Variants in SHANK2 observed in about 807,000 individuals in gnomAD.
SHANK2 encodes the protein SH3 and multiple ankyrin repeat domains protein 2.
Under a neutral mutation model 133.7 loss-of-function variants are expected in SHANK2, and 43 were observed. The ratio of observed to expected loss-of-function variants is 0.32; its 90% CI spans 0.25 to 0.41. The LOEUF (loss-of-function observed/expected upper bound fraction) is 0.41, where lower values mean the gene tolerates loss of function less well. Among genes scored for constraint, SHANK2 ranks in the 10% least tolerant of loss-of-function variants. The pLI is 1.00. For missense variants in SHANK2, 1,994 were observed against 2,235.8 expected, an observed-to-expected ratio of 0.89 and a Z score of 2.18; for synonymous variants, 1,017 against 952.8, an observed-to-expected ratio of 1.07 and a Z score of -1.24.
At chr11:70,814,717 C>G (rs1268516659) in intron 12 of SHANK2, among the ~76,000 whole-genome samples, 1 of 152,202 alleles carries the variant, frequency 6.6e-6, no homozygotes, top group Non-Finnish European at 1.5e-5. Flanking sequence ...CAATGGACGA[C>G]GCATGGACAG....
At chr11:70,854,280 A>T (rs1388640495) in intron 11 of SHANK2, among the ~76,000 whole-genome samples, 2 of 152,230 alleles carry the variant, frequency 1.3e-5, no homozygotes, top group Non-Finnish European at 2.9e-5. Flanking sequence ...GACTGTCATG[A>T]GTAGGAAAGT....
chr11:70,682,480 C>CAAAT (rs1945050496), intron 15 of SHANK2, among the ~76,000 whole-genome samples: 1 of 152,146 alleles, frequency 6.6e-6, no homozygotes, highest in Non-Finnish European at 1.5e-5. Flanking sequence ...CTCAAACAAA[C>CAAAT]AAATAAATAA....
intron 1 of SHANK2, among the ~76,000 whole-genome samples, chr11:71,229,186 C>T (rs899895215): frequency 6.6e-6 from 1 of 152,216 alleles, no homozygotes; most frequent in African/African-American, 2.4e-5. Flanking sequence ...AAGATGCCTG[C>T]TCTCACCATT....
intron 23 of SHANK2, chr11:70,489,706 T>C: frequency 2.8e-6 from 1 of 358,386 alleles, no homozygotes; most frequent in South Asian, 3.2e-5. Flanking sequence ...TCTCAAAGGG[T>C]CAAGTGTGAC....
chr11:70,681,905 G>A (rs960568883), intron 15 of SHANK2, among the ~76,000 whole-genome samples: 7 of 152,128 alleles, frequency 4.6e-5, no homozygotes, highest in South Asian at 2.1e-4. Context: ...GTGGAGGGGC[G>A]GACATCACCG....
At chr11:70,919,241 C>T (rs1445673376) in intron 10 of SHANK2, among the ~76,000 whole-genome samples, 2 of 152,186 alleles carry the variant, frequency 1.3e-5, no homozygotes, top group Admixed American at 6.5e-5. Flanking sequence ...TGAACACGCA[C>T]ACCGCCTCAC....
chr11:71,117,698 G>A (rs1184007325), intron 4 of SHANK2, among the ~76,000 whole-genome samples: 7 of 152,184 alleles, frequency 4.6e-5, no homozygotes. Flanking sequence ...TCCACATACT[G>A]GGAGGGTGGT....
At chr11:70,540,168 C>T (rs1291871576) in intron 17 of SHANK2, among the ~76,000 whole-genome samples, 4 of 152,288 alleles carry the variant, frequency 2.6e-5, no homozygotes, top group Admixed American at 1.3e-4. Flanking sequence ...AGGGCTTCAA[C>T]GTAAGAATCC....
At chr11:70,605,949 C>T (rs187205058) in intron 17 of SHANK2, among the ~76,000 whole-genome samples, 1 of 151,660 alleles carries the variant, frequency 6.6e-6, no homozygotes, top group Non-Finnish European at 1.5e-5. Flanking sequence ...ACCTATTATT[C>T]CCCCCCCTCC....
Position 70,489,953 on chromosome 11 carries a change from G to T in SHANK2, c.2551+323C>A, listed in dbSNP as rs2058861696. The T allele has an allele frequency of 1.3e-5, 5 of 375,056 alleles. No individual in the cohort carries two copies. In the Admixed American group the frequency reaches 1.9e-4, roughly 14 times the overall value. 23.2% of individuals were successfully genotyped at this position (375,056 alleles called of 1,614,324 possible). A position where few individuals can be genotyped will look rare whatever the true frequency, so the allele number is the denominator to read the frequency against. On this transcript the variant is annotated intron_variant, in intron 23 of 25. Transcript: ENST00000601538. ...CCCTGAGCAGGGCAGGGTGGGGGAGGGGGGTTGGCTCGCACCACCCCGCCC... is the reference window on the plus strand; with the variant it reads ...CCCTGAGCAGGGCAGGGTGGGGGAGTGGGGTTGGCTCGCACCACCCCGCCC...
intron 17 of SHANK2, among the ~76,000 whole-genome samples, chr11:70,541,922 G>C (rs2059627019): frequency 6.6e-6 from 1 of 152,218 alleles, no homozygotes; most frequent in Non-Finnish European, 1.5e-5. Context: ...GCACAGAGCA[G>C]GACCCATGCA....
chr11:70,792,109 A>G (rs910030031), intron 14 of SHANK2, among the ~76,000 whole-genome samples: 28 of 147,984 alleles, frequency 1.9e-4, no homozygotes, highest in Non-Finnish European at 3.4e-4. Flanking sequence ...CCAGCTAACC[A>G]ACCAACCAAC....
intron 17 of SHANK2, among the ~76,000 whole-genome samples, chr11:70,550,853 G>A (rs1169757737): frequency 5.3e-5 from 8 of 152,210 alleles, no homozygotes; most frequent in African/African-American, 1.9e-4. Context: ...TCCAGCCTCA[G>A]GGCCTCCATG....
intron 12 of SHANK2, among the ~76,000 whole-genome samples, chr11:70,809,412 T>C (rs1408603484): frequency 6.6e-6 from 1 of 152,200 alleles, no homozygotes; most frequent in Non-Finnish European, 1.5e-5. Context: ...GACTACCCTC[T>C]TTTGGCATTT....
intron 14 of SHANK2, among the ~76,000 whole-genome samples, chr11:70,748,935 C>T (rs1555036861): frequency 1.3e-5 from 2 of 152,114 alleles, no homozygotes; most frequent in African/African-American, 4.8e-5. Flanking sequence ...TGTAGAACAA[C>T]CCTCCACTGA....
At chr11:70,654,347 A>C (rs2061377563) in intron 17 of SHANK2, 1 of 152,242 alleles carries the variant, frequency 6.6e-6, no homozygotes, top group Admixed American at 6.5e-5. Context: ...TCTGTGAGAT[A>C]ACTTTCTTCT....
At chr11:71,071,642 T>C (rs1951143400) in intron 9 of SHANK2, among the ~76,000 whole-genome samples, 2 of 152,174 alleles carry the variant, frequency 1.3e-5, no homozygotes, top group Admixed American at 1.3e-4. Context: ...CTGAATTGGA[T>C]CTTGAAGGAT....
chr11:70,620,694 G>C (rs1160333211), intron 17 of SHANK2, among the ~76,000 whole-genome samples: 1 of 152,172 alleles, frequency 6.6e-6, no homozygotes. Context: ...GAGGTAACTC[G>C]GGTTATACGA....
intron 17 of SHANK2, among the ~76,000 whole-genome samples, chr11:70,651,682 C>A (rs1555010163): frequency 6.6e-6 from 1 of 152,156 alleles, no homozygotes; most frequent in African/African-American, 2.4e-5. Context: ...CAGAAACACC[C>A]CACACTCAAG....
Sources: allele counts gnomAD v4.1 joint callset (sites outside exome capture counted in the v4.1 genomes callset), GRCh38; gene constraint gnomAD v4.1.1; transcripts MANE v1.5; gene names NCBI Gene and HGNC (gene_info 2026-07-23, HGNC 2026-07-21).